Variants in RUNDC3B observed in about 807,000 individuals in gnomAD.
The protein encoded by RUNDC3B is RUN domain-containing protein 3B.
Under a neutral mutation model 58.4 loss-of-function variants are expected in RUNDC3B, and 33 were observed. The ratio of observed to expected loss-of-function variants is 0.56; its 90% CI spans 0.43 to 0.75. The LOEUF is 0.75. Ranked by LOEUF, RUNDC3B falls within the 30% of genes least tolerant of loss-of-function variation. RUNDC3B has a pLI of 0.00. For synonymous variants in RUNDC3B, 193 were observed against 195.2 expected, an observed-to-expected ratio of 0.99 and a Z score of 0.10; for missense variants, 501 against 535.7, an observed-to-expected ratio of 0.94 and a Z score of 0.64.
At chr7:87,654,233 A>G (rs1025776565) in intron 2 of RUNDC3B, among the ~76,000 whole-genome samples, 1 of 152,080 alleles carries the variant, frequency 6.6e-6, no homozygotes, top group Admixed American at 6.6e-5. Context: ...AAAAAAGACA[A>G]TCCTGAAAAT....
intron 1 of RUNDC3B, 83 bp downstream of exon 1, chr7:87,629,028 G>A (rs1020168589): frequency 8.0e-5 from 96 of 1,204,378 alleles, no homozygotes; most frequent in Non-Finnish European, 1.0e-4. Flanking sequence ...TGGGGGTCCC[G>A]GGCATGATGG....
intron 6 of RUNDC3B, among the ~76,000 whole-genome samples, chr7:87,756,127 T>A (rs1425459970): frequency 6.6e-6 from 1 of 152,126 alleles, no homozygotes; most frequent in East Asian, 1.9e-4. Context: ...GAGATGTATT[T>A]CTTTTTTAAT....
Position 87,830,098 on chromosome 7 carries a change from A to G in RUNDC3B, c.*68A>G, listed in dbSNP as rs538971318. On this transcript the variant is annotated 3_prime_UTR_variant, in exon 11 of 11. Coordinates refer to ENST00000394654, the MANE Select transcript of RUNDC3B (RefSeq NM_001134405.2). Reference sequence around the variant, plus strand: ...TTAATTTACATGTTTGACTGCTGGGAAGACCTTTGAAATTTTATATTGTTC... The same window carrying G: ...TTAATTTACATGTTTGACTGCTGGGGAGACCTTTGAAATTTTATATTGTTC... 2.0e-4 allele frequency: 197 copies of G among 991,212 alleles called. No individual in the cohort carries two copies. The African/African-American group carries it at 2.8e-3, about 14-fold the overall frequency. The allele number at this position is 991,212 out of a possible 1,614,324, so 61.4% of individuals were successfully genotyped here.
intron 2 of RUNDC3B, among the ~76,000 whole-genome samples, chr7:87,661,366 T>G (rs1303886617): frequency 6.6e-6 from 1 of 152,008 alleles, no homozygotes; most frequent in Non-Finnish European, 1.5e-5. Flanking sequence ...TAGTTCTATC[T>G]AACTACATTT....
chr7:87,659,394 C>A (rs1824464391), intron 2 of RUNDC3B, among the ~76,000 whole-genome samples: 1 of 151,764 alleles, frequency 6.6e-6, no homozygotes, highest in Admixed American at 6.6e-5. Context: ...ATAGATTTTT[C>A]AGTGGTTGCA....
At position 87,628,584 on chromosome 7, in the gene RUNDC3B, CGTGTGTGTGTGTGTGTGTGTGT is replaced by C. The variant is rs71117546; in HGVS notation, c.-220_-199del. The C allele has an allele frequency of 0.013, 3,812 of 290,756 alleles. 48 individuals carry two copies. Among genetic ancestry groups the C allele is most frequent in the Admixed American group, 0.019 (357 of 18,876 alleles). The allele number at this position is 290,756 out of a possible 1,614,324, so 18.0% of individuals were successfully genotyped here. ...CGAGGGCGGAGGTGGTGCGTGCGTG[CGTGTGTGTGTGTGTGTGTGTGT>C]GTGTGTGTGTGTGTGTGTGGAGCTC... On this transcript the variant is annotated 5_prime_UTR_variant, in exon 1 of 11. Transcript: ENST00000394654.
intron 7 of RUNDC3B, among the ~76,000 whole-genome samples, chr7:87,776,680 AT>A (rs1834655577): frequency 6.6e-6 from 1 of 152,022 alleles, no homozygotes; most frequent in Non-Finnish European, 1.5e-5. Flanking sequence ...ATTAAGCTGT[AT>A]ATATATGAAA....
intron 2 of RUNDC3B, among the ~76,000 whole-genome samples, chr7:87,694,529 T>TA (rs982936344): frequency 2.0e-5 from 3 of 152,172 alleles, no homozygotes; most frequent in Admixed American, 2.0e-4. Context: ...AGAGAAAAAG[T>TA]AAAAAACAAA....
At chr7:87,819,781 G>A (rs201220396) in intron 10 of RUNDC3B, among the ~76,000 whole-genome samples, 3 of 151,956 alleles carry the variant, frequency 2.0e-5, no homozygotes, top group Admixed American at 6.6e-5. Flanking sequence ...CTGCTCCTGA[G>A]TGACTACTGG....
At chr7:87,727,889 A>G (rs926765974) in intron 4 of RUNDC3B, among the ~76,000 whole-genome samples, 2 of 152,136 alleles carry the variant, frequency 1.3e-5, no homozygotes, top group Non-Finnish European at 2.9e-5. Context: ...AGGAAAAATT[A>G]CAGTATACTT....
intron 1 of RUNDC3B, among the ~76,000 whole-genome samples, chr7:87,643,527 T>A (rs945096547): frequency 6.6e-6 from 1 of 151,844 alleles, no homozygotes; most frequent in Non-Finnish European, 1.5e-5. Flanking sequence ...CTTTTTTGGG[T>A]GTGTGGGTGC....
rs555127706 is a variant in RUNDC3B at position 87,633,750 on chromosome 7, G to A, written c.122+4805G>A. On this transcript the variant is annotated intron_variant, in intron 1 of 10. Transcript: ENST00000394654. ...ACTCTGAACTTCTTAACATTCTGGTGCTAACTAATCAGAAAAACTGTCTAG... is the reference window on the plus strand; with the variant it reads ...ACTCTGAACTTCTTAACATTCTGGTACTAACTAATCAGAAAAACTGTCTAG... Among the ~76,000 whole-genome samples the A allele has an allele frequency of 2.6e-5, 4 of 152,056 alleles. No homozygotes were observed. In the South Asian group the frequency reaches 8.3e-4, roughly 32 times the overall value.
At chr7:87,715,402 AATATTTAATATAAT>A (rs977181484) in intron 4 of RUNDC3B, among the ~76,000 whole-genome samples, 3 of 129,544 alleles carry the variant, frequency 2.3e-5, no homozygotes, top group South Asian at 2.1e-4. Context: ...TAATATATTT[AATATTTAATATAAT>A]ATATTTAATA....
At chr7:87,683,605 C>T (rs1428875036) in intron 2 of RUNDC3B, among the ~76,000 whole-genome samples, 1 of 152,166 alleles carries the variant, frequency 6.6e-6, no homozygotes, top group Admixed American at 6.5e-5. Context: ...ACACATTTAT[C>T]AATTAAGCTT....
intron 2 of RUNDC3B, among the ~76,000 whole-genome samples, chr7:87,671,814 C>G (rs760735380): frequency 6.6e-6 from 1 of 152,144 alleles, no homozygotes; most frequent in Non-Finnish European, 1.5e-5. Flanking sequence ...AACCTGAAGG[C>G]TGGAAAAGCT....
chr7:87,729,444 G>A (rs958469618), intron 4 of RUNDC3B, among the ~76,000 whole-genome samples: 3 of 152,190 alleles, frequency 2.0e-5, no homozygotes, highest in African/African-American at 4.8e-5. Flanking sequence ...AACAGTAATT[G>A]TGCGACTTGA....
At chr7:87,768,014 T>C (rs907359681) in intron 6 of RUNDC3B, among the ~76,000 whole-genome samples, 2 of 152,204 alleles carry the variant, frequency 1.3e-5, no homozygotes, top group African/African-American at 4.8e-5. Context: ...CGATCTGTAC[T>C]CTATTGCAGG....
At chr7:87,738,833 G>T (rs570093368) in intron 4 of RUNDC3B, among the ~76,000 whole-genome samples, 1 of 151,908 alleles carries the variant, frequency 6.6e-6, no homozygotes, top group African/African-American at 2.4e-5. Flanking sequence ...CAAAATTGAT[G>T]GTAGGATTAT....
At position 87,736,874 on chromosome 7, in the gene RUNDC3B, TA is replaced by T. The variant is rs1563173115; in HGVS notation, c.459-2916del. On this transcript the variant is annotated intron_variant, in intron 4 of 10. Coordinates refer to ENST00000394654, the MANE Select transcript of RUNDC3B (RefSeq NM_001134405.2). Reference sequence around the variant, plus strand: ...ATATACCTATATATATATATATATATATATATATATATATATTTTTTTTTTT... The same window carrying T: ...ATATACCTATATATATATATATATATTATATATATATATATTTTTTTTTTT... 6.8e-3 allele frequency among the ~76,000 whole-genome samples: 250 copies of T among 36,872 alleles called. 2 individuals carry two copies. The highest frequency in any genetic ancestry group is 0.029 in the African/African-American group (244 of 8,388). The allele number at this position is 36,872 out of a possible 152,430, so 24.2% of individuals were successfully genotyped here.
Sources: allele counts gnomAD v4.1 joint callset (sites outside exome capture counted in the v4.1 genomes callset), GRCh38; gene constraint gnomAD v4.1.1; transcripts MANE v1.5; gene names NCBI Gene and HGNC (gene_info 2026-07-23, HGNC 2026-07-21).